RNF217: variants seen among roughly 807,000 people sequenced by gnomAD.
RNF217 encodes E3 ubiquitin-protein ligase RNF217.
RNF217 carries 31 observed loss-of-function variants against 57.8 expected under a neutral mutation model. That is an observed-to-expected ratio of 0.54 (90% CI 0.40 to 0.72). The LOEUF (loss-of-function observed/expected upper bound fraction) is 0.72. Among genes scored for constraint, RNF217 ranks in the 30% least tolerant of loss-of-function variants. The pLI is 0.00. For missense variants in RNF217, 696 were observed against 708.3 expected, an observed-to-expected ratio of 0.98 and a Z score of 0.20; for synonymous variants, 313 against 294.0, an observed-to-expected ratio of 1.06 and a Z score of -0.66.
chr6:125,042,080 G>A (rs1021446060), intron 1 of RNF217, among the ~76,000 whole-genome samples: 14 of 152,272 alleles, frequency 9.2e-5, no homozygotes, highest in South Asian at 6.2e-4. Context: ...ATCATAATTA[G>A]TTGTTTGCTA....
chr6:125,013,972 T>C (rs377246064), intron 1 of RNF217, among the ~76,000 whole-genome samples: 14 of 152,336 alleles, frequency 9.2e-5, no homozygotes, highest in African/African-American at 2.9e-4. Flanking sequence ...TATACTGTCA[T>C]CCTGTCTCTG....
intron 3 of RNF217, among the ~76,000 whole-genome samples, chr6:125,058,568 T>C (rs868034081): frequency 1.3e-5 from 2 of 152,186 alleles, no homozygotes; most frequent in Non-Finnish European, 1.5e-5. Flanking sequence ...TGTTTTGCTT[T>C]TTTGCAAATC....
At chr6:125,011,969 G>A (rs978005435) in intron 1 of RNF217, among the ~76,000 whole-genome samples, 2 of 151,894 alleles carry the variant, frequency 1.3e-5, no homozygotes. Flanking sequence ...GGGCTGGCCA[G>A]ATGCATCTTT....
chr6:125,065,768 CT>C (rs1218649548), intron 3 of RNF217, among the ~76,000 whole-genome samples: 4 of 152,160 alleles, frequency 2.6e-5, no homozygotes, highest in Non-Finnish European at 5.9e-5. Context: ...GTTGCTTTCT[CT>C]TTCTACAGCA....
intron 1 of RNF217, among the ~76,000 whole-genome samples, chr6:125,030,333 A>G (rs1786300948): frequency 6.6e-6 from 1 of 152,114 alleles, no homozygotes; most frequent in South Asian, 2.1e-4. Context: ...TGCCTTCCCA[A>G]CAGTCCCCCA....
At chr6:125,076,439 G>A (rs1562497744) in intron 3 of RNF217, among the ~76,000 whole-genome samples, 2 of 152,112 alleles carry the variant, frequency 1.3e-5, no homozygotes, top group African/African-American at 4.8e-5. Context: ...CCAACAGCTT[G>A]AGTACCTGAA....
chr6:125,024,501 T>A (rs1297068990), intron 1 of RNF217, among the ~76,000 whole-genome samples: 1 of 151,812 alleles, frequency 6.6e-6, no homozygotes, highest in Admixed American at 6.6e-5. Context: ...GCGGATCACC[T>A]GAGCTCAGGA....
At chr6:125,058,245 G>A (rs749640826) in intron 3 of RNF217, 139 bp downstream of exon 3, 43 of 718,626 alleles carry the variant, frequency 6.0e-5, no homozygotes, top group Non-Finnish European at 7.9e-5. Flanking sequence ...TTTTGGAAAA[G>A]TAATTATATA....
intron 1 of RNF217, among the ~76,000 whole-genome samples, chr6:125,033,153 G>T (rs1434496622): frequency 1.3e-5 from 2 of 149,118 alleles, no homozygotes; most frequent in South Asian, 4.2e-4. Context: ...ACATTTCAGA[G>T]TTTGGATTTC....
intron 1 of RNF217, among the ~76,000 whole-genome samples, chr6:124,985,090 A>T (rs1361717108): frequency 1.3e-5 from 2 of 152,236 alleles, no homozygotes. Context: ...TACTAATAGG[A>T]TAATTTAAAT....
chr6:124,971,454 T>G (rs568610555), intron 1 of RNF217: 31 of 328,942 alleles, frequency 9.4e-5, no homozygotes, highest in African/African-American at 3.4e-4. Flanking sequence ...TTAAGTTTTT[T>G]TTTGTTTGTT....
chr6:124,982,484 G>T (rs1784215756), intron 1 of RNF217, among the ~76,000 whole-genome samples: 1 of 151,828 alleles, frequency 6.6e-6, no homozygotes, highest in Non-Finnish European at 1.5e-5. Context: ...TGTGGTCATT[G>T]GTACCTCACG....
rs762655408 is a variant in RNF217 at position 125,085,583 on chromosome 6, A to G, written c.*2646A>G. ...AAAACTACTTTAAAAAGAAGCGTGC[A>G]CATAAAATAAATATCTTTCTATCCA... On this transcript the variant is annotated 3_prime_UTR_variant, in exon 6 of 6. Coordinates refer to ENST00000521654, the MANE Select transcript of RNF217 (RefSeq NM_001286398.3). 6.6e-6 allele frequency: 1 copy of G among 152,066 alleles called. No homozygotes were observed. Among genetic ancestry groups the G allele is most frequent in the East Asian group, 1.9e-4 (1 of 5,186 alleles). 9.4% of individuals were successfully genotyped at this position (152,066 alleles called of 1,614,324 possible). A position where few individuals can be genotyped will look rare whatever the true frequency, so the allele number is the denominator to read the frequency against.
intron 1 of RNF217, among the ~76,000 whole-genome samples, chr6:124,991,235 T>C (rs1047602550): frequency 3.9e-5 from 6 of 152,178 alleles, no homozygotes; most frequent in Non-Finnish European, 7.3e-5. Context: ...CTGCCATTGC[T>C]CACTCAGAAC....
chr6:125,064,373 T>C (rs1787859620), intron 3 of RNF217, among the ~76,000 whole-genome samples: 4 of 152,188 alleles, frequency 2.6e-5, no homozygotes, highest in Admixed American at 2.6e-4. Flanking sequence ...GCACATACTT[T>C]GGAGGATATT....
chr6:124,974,588 C>T (rs1783890981), intron 1 of RNF217, among the ~76,000 whole-genome samples: 1 of 152,126 alleles, frequency 6.6e-6, no homozygotes, highest in African/African-American at 2.4e-5. Context: ...AGCATAATTT[C>T]CTTTCCATTA....
At chr6:125,061,743 T>C (rs1787741974) in intron 3 of RNF217, among the ~76,000 whole-genome samples, 1 of 151,982 alleles carries the variant, frequency 6.6e-6, no homozygotes, top group African/African-American at 2.4e-5. Context: ...ATATGTCGTA[T>C]GAACACATAT....
intron 2 of RNF217, among the ~76,000 whole-genome samples, chr6:125,052,233 AT>A (rs1787344355): frequency 6.6e-6 from 1 of 151,286 alleles, no homozygotes; most frequent in African/African-American, 2.4e-5. Context: ...CAGTAAGGTT[AT>A]TTATATAAAT....
chr6:124,973,369 C>T (rs1439201793), intron 1 of RNF217, among the ~76,000 whole-genome samples: 1 of 152,108 alleles, frequency 6.6e-6, no homozygotes, highest in Non-Finnish European at 1.5e-5. Context: ...TCTTAGAGTC[C>T]TTTTCACTCT....
Sources: allele counts gnomAD v4.1 joint callset (sites outside exome capture counted in the v4.1 genomes callset), GRCh38; gene constraint gnomAD v4.1.1; transcripts MANE v1.5; gene names NCBI Gene and HGNC (gene_info 2026-07-23, HGNC 2026-07-21).